Variants in SDK1 observed in about 807,000 individuals in gnomAD.
SDK1 encodes the protein protein sidekick-1.
Under a neutral mutation model 245.5 loss-of-function variants are expected in SDK1, and 157 were observed. The ratio of observed to expected loss-of-function variants is 0.64; its 90% CI spans 0.56 to 0.73. SDK1 has a LOEUF of 0.73. Ranked by LOEUF, SDK1 falls within the 30% of genes least tolerant of loss-of-function variation. The probability of loss-of-function intolerance (pLI) is 0.00; values close to 1 mark genes in which losing one functional copy is unlikely to be tolerated. For synonymous variants in SDK1, 1,647 were observed against 1,278.5 expected (o/e 1.29, Z -6.15); for missense variants, 3,583 against 3,002.3 (o/e 1.19, Z -4.52).
At chr7:3,799,804 T>C (rs992791700) in intron 4 of SDK1, among the ~76,000 whole-genome samples, 1 of 151,888 alleles carries the variant, frequency 6.6e-6, no homozygotes, top group Non-Finnish European at 1.5e-5. Context: ...CTCCTCCAAA[T>C]GCTAAATTTG....
chr7:3,366,108 G>T (rs765654998), intron 1 of SDK1, among the ~76,000 whole-genome samples: 2 of 150,664 alleles, frequency 1.3e-5, no homozygotes, highest in Non-Finnish European at 3.0e-5. Flanking sequence ...TGTTAATAGT[G>T]GTTTATTTCT....
At chr7:4,078,178 G>A (rs1207781542) in intron 21 of SDK1, among the ~76,000 whole-genome samples, 1 of 152,184 alleles carries the variant, frequency 6.6e-6, no homozygotes, top group African/African-American at 2.4e-5. Flanking sequence ...TGGAGTTGCT[G>A]TTCCGTCATT....
At chr7:3,485,312 T>C (rs1583930930) in intron 1 of SDK1, among the ~76,000 whole-genome samples, 1 of 152,222 alleles carries the variant, frequency 6.6e-6, no homozygotes, top group Non-Finnish European at 1.5e-5. Flanking sequence ...TTTTGAGAAA[T>C]GTCTCTTCAG....
chr7:4,012,203 G>C lies in SDK1; in HGVS notation c.2388G>C (p.Glu796Asp), dbSNP rs1233676853. ...MVQWQPPPET[E>D]HNGVLRGYIL... ...AGTGGCAGCCACCCCCAGAAACAGAGCACAACGGGGTGTTGCGTGGATACA... is the reference window on the plus strand; with the variant it reads ...AGTGGCAGCCACCCCCAGAAACAGACCACAACGGGGTGTTGCGTGGATACA... The change falls in exon 16 of 45, where the codon GAG becomes GAC. Residue 796 changes from glutamate (E) to aspartate (D), a missense_variant. Transcript: ENST00000404826. 1.5e-5 allele frequency: 23 copies of C among 1,559,946 alleles called. No individual in the cohort carries two copies. Among genetic ancestry groups the C allele is most frequent in the Non-Finnish European group, 1.9e-5 (22 of 1,154,580 alleles).
chr7:3,433,743 G>C (rs1203983457), intron 1 of SDK1, among the ~76,000 whole-genome samples: 2 of 152,124 alleles, frequency 1.3e-5, no homozygotes, highest in Non-Finnish European at 2.9e-5. Flanking sequence ...GCAATAGTCA[G>C]TGCTTGGAGG....
At chr7:4,033,915 G>A (rs1562703109) in intron 17 of SDK1, among the ~76,000 whole-genome samples, 1 of 152,126 alleles carries the variant, frequency 6.6e-6, no homozygotes, top group Non-Finnish European at 1.5e-5. Flanking sequence ...GAAGTTTGAT[G>A]AGGAACAGGA....
intron 40 of SDK1, among the ~76,000 whole-genome samples, chr7:4,232,407 C>CTTTTTTTTTTTTTTTTT (rs201396862): frequency 8.6e-4 from 63 of 73,146 alleles, no homozygotes; most frequent in Non-Finnish European, 1.1e-3. Flanking sequence ...CTTTTCTTTT[C>CTTTTTTTTTTTTTTTTT]TTTCTTTTTT....
intron 44 of SDK1, among the ~76,000 whole-genome samples, chr7:4,264,102 G>A (rs1175116133): frequency 1.0e-5 from 1 of 96,250 alleles, no homozygotes; most frequent in African/African-American, 4.4e-5. Context: ...GGGGGAGGCC[G>A]CGTAGACCTC....
In SDK1 at chr7:3,559,586, C is replaced by T. The variant is rs1197533558; in HGVS notation, c.299-59494C>T. On this transcript the variant is annotated intron_variant, in intron 1 of 44. Transcript: ENST00000404826. ...ATTGACGCTCTTTTCTGATTCACCACCAGTGTCTTGCAAGAGCTTTCACTT... is the reference window on the plus strand; with the variant it reads ...ATTGACGCTCTTTTCTGATTCACCATCAGTGTCTTGCAAGAGCTTTCACTT... Among the ~76,000 whole-genome samples the T allele has an allele frequency of 4.6e-5, 7 of 152,220 alleles. No homozygotes were observed. In the East Asian group the frequency reaches 1.2e-3, roughly 25 times the overall value.
At chr7:4,048,374 C>A (rs1789173908) in intron 17 of SDK1, among the ~76,000 whole-genome samples, 1 of 152,138 alleles carries the variant, frequency 6.6e-6, no homozygotes, top group African/African-American at 2.4e-5. Flanking sequence ...CTGCCCTTTC[C>A]GGAAGGCCTT....
chr7:3,996,302 G>C (rs958986195), intron 14 of SDK1, among the ~76,000 whole-genome samples: 55 of 152,152 alleles, frequency 3.6e-4, no homozygotes, highest in African/African-American at 1.3e-3. Flanking sequence ...ACTTCCAAAA[G>C]GTGTTTTAAT....
At chr7:3,873,721 A>C (rs1299318081) in intron 5 of SDK1, among the ~76,000 whole-genome samples, 3 of 152,152 alleles carry the variant, frequency 2.0e-5, no homozygotes, top group South Asian at 4.1e-4. Context: ...AAGTCTGCTC[A>C]TGAGCCCATC....
At chr7:3,788,590 C>A (rs1436226316) in intron 4 of SDK1, among the ~76,000 whole-genome samples, 1 of 152,136 alleles carries the variant, frequency 6.6e-6, no homozygotes, top group African/African-American at 2.4e-5. Flanking sequence ...CTTTTGGCTT[C>A]CCTGGGCCAC....
intron 1 of SDK1, among the ~76,000 whole-genome samples, chr7:3,314,575 A>C (rs1779619675): frequency 6.6e-6 from 1 of 152,176 alleles, no homozygotes; most frequent in South Asian, 2.1e-4. Context: ...ACTTGATATG[A>C]TTGGTTGATG....
chr7:3,413,889 C>T (rs1053995432), intron 1 of SDK1, among the ~76,000 whole-genome samples: 1 of 152,112 alleles, frequency 6.6e-6, no homozygotes, highest in African/African-American at 2.4e-5. Context: ...GGGAGGATTG[C>T]TTGAGCCCAG....
At chr7:3,640,405 C>T (rs893307597) in intron 3 of SDK1, among the ~76,000 whole-genome samples, 2 of 152,176 alleles carry the variant, frequency 1.3e-5, no homozygotes, top group South Asian at 4.2e-4. Context: ...TACCATAAGC[C>T]TAATGACTGA....
intron 1 of SDK1, among the ~76,000 whole-genome samples, chr7:3,560,968 A>G (rs558270621): frequency 1.3e-5 from 2 of 151,826 alleles, no homozygotes; most frequent in South Asian, 4.2e-4. Flanking sequence ...TTTCGCACCA[A>G]CCCCCAAACA....
rs1235605611 is a variant in SDK1 at position 4,139,659 on chromosome 7, G to GTATATA, written c.4229-6058_4229-6057insATATAT. On this transcript the variant is annotated intron_variant, in intron 28 of 44. Coordinates refer to ENST00000404826, the MANE Select transcript of SDK1 (RefSeq NM_152744.4). ...TATATGTGTGTGTATATGTGTGTGT[G>GTATATA]TATATGTGTGTGTGTATATGTGTGT... Among the ~76,000 whole-genome samples, 16 of 93,278 alleles carry GTATATA rather than the reference G, an allele frequency of 1.7e-4. 3 individuals are homozygous for GTATATA. The highest frequency in any genetic ancestry group is 6.8e-4 in the African/African-American group (14 of 20,508). 61.2% of individuals were successfully genotyped at this position (93,278 alleles called of 152,430 possible). A position where few individuals can be genotyped will look rare whatever the true frequency, so the allele number is the denominator to read the frequency against.
At chr7:3,363,260 TTCCC>T (rs1781001076) in intron 1 of SDK1, among the ~76,000 whole-genome samples, 1 of 152,242 alleles carries the variant, frequency 6.6e-6, no homozygotes, top group Non-Finnish European at 1.5e-5. Context: ...TTCAGCATAG[TTCCC>T]TGACGATTCA....
Sources: gnomAD v4.1 joint callset for allele counts (sites outside exome capture counted in the v4.1 genomes callset) on GRCh38, gnomAD v4.1.1 for gene constraint, MANE v1.5 for transcripts, NCBI Gene and HGNC (gene_info 2026-07-23, HGNC 2026-07-21) for gene names.